PDZD7: variants seen among roughly 807,000 people sequenced by gnomAD.
PDZD7 encodes the protein PDZ domain-containing protein 7.
Under a neutral mutation model 84.7 loss-of-function variants are expected in PDZD7, and 72 were observed. The observed-to-expected ratio is 0.85, with a 90% CI of 0.70 to 1.03. The LOEUF is 1.03. Ranked by LOEUF, PDZD7 falls within the 50% of genes least tolerant of loss-of-function variation. The probability of loss-of-function intolerance (pLI) is 0.00; values close to 1 mark genes in which losing one functional copy is unlikely to be tolerated. For missense variants in PDZD7, 1,490 were observed against 1,412.9 expected (o/e 1.05, Z -0.87); for synonymous variants, 594 against 580.7 (o/e 1.02, Z -0.33).
chr10:101,029,449 T>C (rs1183241399), intron 2 of PDZD7, among the ~76,000 whole-genome samples: 1 of 152,134 alleles, frequency 6.6e-6, no homozygotes, highest in Non-Finnish European at 1.5e-5. Flanking sequence ...CTGATGGAGC[T>C]CCCTCTCCAC....
In PDZD7 at chr10:101,019,542, GCCTCCTCCTCCTCCTCCTCCTCCT is replaced by G. The variant is rs141118065; in HGVS notation, c.929-349_929-326del. 5.6e-5 allele frequency among the ~76,000 whole-genome samples: 5 copies of G among 89,316 alleles called. No individual in the cohort carries two copies. The South Asian group carries it at 2.2e-3, about 39-fold the overall frequency. 58.6% of individuals were successfully genotyped at this position (89,316 alleles called of 152,430 possible). ...TGCTTCCCCTTCTGCTTCTGCTTCTGCCTCCTCCTCCTCCTCCTCCTCCTCCTCCTCCTCCTCCTCCTCCTCTTC... is the reference window on the plus strand; with the variant it reads ...TGCTTCCCCTTCTGCTTCTGCTTCTGCCTCCTCCTCCTCCTCCTCCTCTTC... On this transcript the variant is annotated intron_variant, in intron 7 of 16. Coordinates refer to ENST00000619208, the MANE Select transcript of PDZD7 (RefSeq NM_001195263.2).
chr10:101,017,876 AAAG>A (rs1564632467), intron 9 of PDZD7: 11 of 276,618 alleles, frequency 4.0e-5, no homozygotes, highest in South Asian at 9.5e-5. Flanking sequence ...AGAAAGAAAG[AAAG>A]AAAGAAAGAA....
At chr10:101,009,119 C>A in intron 16 of PDZD7, 131 bp downstream of exon 16, 1 of 866,572 alleles carries the variant, frequency 1.2e-6, no homozygotes, top group Admixed American at 2.7e-5. Flanking sequence ...TCACCTGAAC[C>A]CCCTCACCCC....
chr10:101,024,828 T>C (rs1937608544), intron 2 of PDZD7, among the ~76,000 whole-genome samples: 2 of 103,480 alleles, frequency 1.9e-5, no homozygotes, highest in Non-Finnish European at 3.9e-5. Flanking sequence ...TCTCCTTCCT[T>C]CCTAATATGT....
intron 4 of PDZD7, chr10:101,023,185 G>A (rs1279903785): frequency 2.0e-5 from 11 of 542,918 alleles, no homozygotes; most frequent in Non-Finnish European, 3.7e-5. Flanking sequence ...TTTGCCTCTG[G>A]GTTTCACAGC....
chr10:101,017,570 C>G (rs570023468), intron 9 of PDZD7: 1 of 700,866 alleles, frequency 1.4e-6, no homozygotes, highest in Admixed American at 2.0e-5. Context: ...TAGCTTCAGT[C>G]CAGGAATTTG....
At chr10:101,030,888 G>A (rs1938125207) in intron 1 of PDZD7, 185 bp downstream of exon 1, 2 of 160,772 alleles carry the variant, frequency 1.2e-5, no homozygotes, top group Admixed American at 1.2e-4. Flanking sequence ...GCGGCTCCGG[G>A]TCTAAAGAGG....
intron 2 of PDZD7, among the ~76,000 whole-genome samples, chr10:101,025,358 T>C (rs926964474): frequency 3.3e-5 from 5 of 149,550 alleles, no homozygotes; most frequent in Admixed American, 6.7e-5. Context: ...TACAGGCGTG[T>C]GCCACCACAC....
chr10:101,018,411 GCAGCTACGC>G, intron 8 of PDZD7, 115 bp from the exon 9 acceptor site: 8 of 1,128,564 alleles, frequency 7.1e-6, no homozygotes, highest in Non-Finnish European at 9.0e-6. Context: ...GACAGGATCT[GCAGCTACGC>G]CGGGGTGAGA....
chr10:101,030,613 G>A (rs1938084740), intron 1 of PDZD7: 1 of 387,544 alleles, frequency 2.6e-6, no homozygotes, highest in Admixed American at 3.7e-5. Context: ...GCTCGGGGCT[G>A]AGTCATCTAC....
At chr10:101,021,769 C>T (rs775376262) in intron 6 of PDZD7, 29 bp downstream of exon 6, 4 of 1,614,186 alleles carry the variant, frequency 2.5e-6, no homozygotes, top group East Asian at 2.2e-5. Flanking sequence ...TCTAGCCTCA[C>T]CTCTCCCTAC....
At chr10:101,023,043 A>G (rs1435837311) in intron 4 of PDZD7, 1 of 225,530 alleles carries the variant, frequency 4.4e-6, no homozygotes, top group African/African-American at 3.0e-5. Flanking sequence ...AAGTGCTGGG[A>G]TTACAGGCTT....
At position 101,020,633 on chromosome 10, in the gene PDZD7, A is replaced by G; in HGVS notation, c.913T>C (p.Cys305Arg). The G allele has an allele frequency of 6.2e-7, 1 of 1,613,972 alleles. No individual in the cohort carries two copies. Among genetic ancestry groups the G allele is most frequent in the Non-Finnish European group, 8.5e-7 (1 of 1,179,898 alleles). The change falls in exon 7 of 17, where the codon TGC (cysteine) becomes CGC (arginine). Residue 305 changes from cysteine to arginine, a missense_variant. Physicochemically the swap from Cys to Arg is radical, Grantham distance 180. Transcript: ENST00000619208. ...AGCCACTTACGTCGGTCCAGCCAGC[A>G]GTACTCAGAAACCATCTCCTTGTAG... is the stretch of plus-strand genomic sequence containing the variant. ...PAYKEMVSEY[C>R]WLDRLSNGVL...
chr10:101,029,955 C>CCAACCCAACCCA, intron 2 of PDZD7, 39 bp downstream of exon 2: 1 of 1,303,658 alleles, frequency 7.7e-7, no homozygotes, highest in Non-Finnish European at 1.1e-6. Context: ...CTACCCCCAC[C>CCAACCCAACCCA]CTCCCCAACC....
chr10:101,029,650 T>C (rs896488420), intron 2 of PDZD7, among the ~76,000 whole-genome samples: 3 of 152,184 alleles, frequency 2.0e-5, no homozygotes, highest in African/African-American at 7.2e-5. Context: ...GTACACACAA[T>C]GGATCTGGAG....
intron 15 of PDZD7, 29 bp downstream of exon 15, chr10:101,010,243 C>G: frequency 6.7e-7 from 1 of 1,499,116 alleles, no homozygotes; most frequent in Non-Finnish European, 8.9e-7. Context: ...CTAGTGTCCT[C>G]TGCCGGGCCC....
chr10:101,026,749 C>T (rs1289518251), intron 2 of PDZD7, among the ~76,000 whole-genome samples: 1 of 150,750 alleles, frequency 6.6e-6, no homozygotes, highest in Admixed American at 6.6e-5. Context: ...TTACAGGGCA[C>T]GGCCAGGGCA....
rs1852289094 is a variant in PDZD7, at chr10:101,008,512, G to C, written c.3057C>G (p.Leu1019=). The C allele has an allele frequency of 6.5e-7, 1 of 1,532,972 alleles. No homozygotes were observed. The highest frequency in any genetic ancestry group is 1.2e-5 in the South Asian group (1 of 83,836). 95.0% of individuals were successfully genotyped at this position (1,532,972 alleles called of 1,614,324 possible). ...PTPSPAPSPA[L]QTPDSKPAPS... ...GTGCGGGCTTAGAATCAGGAGTCTG[G>C]AGGGCTGGGGAGGGGGCTGGGCTGG... Residue 1019 remains leucine, a synonymous_variant, in exon 17 of 17, where the codon CTC becomes CTG. Transcript: ENST00000619208.
chr10:101,017,827 G>T, intron 9 of PDZD7: 1 of 286,270 alleles, frequency 3.5e-6, no homozygotes, highest in Non-Finnish European at 5.8e-6. Context: ...GGAAAGAAAG[G>T]AAGGAAGGAA....
Sources: gnomAD v4.1 joint callset for allele counts (sites outside exome capture counted in the v4.1 genomes callset) on GRCh38, gnomAD v4.1.1 for gene constraint, MANE v1.5 for transcripts, NCBI Gene and HGNC (gene_info 2026-07-23, HGNC 2026-07-21) for gene names.